Variants in MYO9A observed in about 807,000 individuals in gnomAD.
The protein encoded by MYO9A is myosin IXA.
A neutral mutation model predicts 293.3 loss-of-function variants in MYO9A; 103 were observed. The ratio of observed to expected loss-of-function variants is 0.35; its 90% CI spans 0.30 to 0.41. MYO9A has a LOEUF of 0.41. MYO9A is among the 10% of genes least tolerant of loss of function. MYO9A has a pLI of 1.00. For missense variants in MYO9A, 2,685 were observed against 3,033.0 expected (o/e 0.89, Z 2.69); for synonymous variants, 1,001 against 1,035.7 (o/e 0.97, Z 0.64).
intron 23 of MYO9A, among the ~76,000 whole-genome samples, 179 bp downstream of exon 23, chr15:71,901,012 T>C (rs1262329516): frequency 1.3e-5 from 2 of 152,232 alleles, no homozygotes; most frequent in East Asian, 1.9e-4. Context: ...TTATTAATAG[T>C]CTATTATATG....
chr15:71,873,554 C>T (rs1334364957), intron 32 of MYO9A, among the ~76,000 whole-genome samples: 2 of 152,062 alleles, frequency 1.3e-5, no homozygotes, highest in Non-Finnish European at 2.9e-5. Context: ...GCAAATTACA[C>T]TCCTATTTGT....
At chr15:71,991,314 C>A in intron 10 of MYO9A, 77 bp from the exon 11 acceptor site, 1 of 1,200,794 alleles carries the variant, frequency 8.3e-7, no homozygotes. Context: ...ACATAAGTAA[C>A]AAAATGCTCA....
At chr15:71,945,826 T>A (rs2058902236) in intron 15 of MYO9A, among the ~76,000 whole-genome samples, 1 of 152,218 alleles carries the variant, frequency 6.6e-6, no homozygotes, top group African/African-American at 2.4e-5. Flanking sequence ...GGAAAAAGTA[T>A]TCAATCTTTC....
At chr15:71,906,758 C>CTTTCTTTCTTTTTTTTTTTTTTTTTTTTT (rs765264146) in intron 19 of MYO9A, among the ~76,000 whole-genome samples, 4 of 61,030 alleles carry the variant, frequency 6.6e-5, no homozygotes, top group African/African-American at 2.5e-4. Flanking sequence ...CCATTTCTTT[C>CTTTCTTTCTTTTTTTTTTTTTTTTTTTTT]TTTTTTTTTT....
intron 1 of MYO9A, among the ~76,000 whole-genome samples, chr15:72,093,215 G>C (rs930055638): frequency 6.6e-6 from 1 of 152,064 alleles, no homozygotes; most frequent in African/African-American, 2.4e-5. Context: ...ATATATGAGA[G>C]GGGAAAGAAT....
chr15:71,908,611 T>G (rs2057742354), intron 19 of MYO9A, among the ~76,000 whole-genome samples: 1 of 152,216 alleles, frequency 6.6e-6, no homozygotes, highest in Non-Finnish European at 1.5e-5. Context: ...CCTGTCTGTT[T>G]AAAATAGACT....
At chr15:72,115,616 C>T (rs1484798048) in intron 1 of MYO9A, among the ~76,000 whole-genome samples, 1 of 152,216 alleles carries the variant, frequency 6.6e-6, no homozygotes, top group African/African-American at 2.4e-5. Context: ...TCTTATTCTA[C>T]TCTTCAATTC....
chr15:71,867,798 T>TCACACACA lies in MYO9A; in HGVS notation c.5980-5195_5980-5188dup, dbSNP rs57300333. On this transcript the variant is annotated intron_variant, in intron 32 of 41. Transcript: ENST00000356056. ...CACTAATTTCAATTCTGGGAATCCA[T>TCACACACA]CACACACACACACACACACACACAC... 1.6e-3 allele frequency among the ~76,000 whole-genome samples: 204 copies of TCACACACA among 127,622 alleles called. 1 individual carries two copies. Among genetic ancestry groups the TCACACACA allele is most frequent in the African/African-American group, 1.8e-3 (62 of 33,696 alleles). The allele number at this position is 127,622 out of a possible 152,430, so 83.7% of individuals were successfully genotyped here. A position where few individuals can be genotyped will look rare whatever the true frequency, so the allele number is the denominator to read the frequency against.
At chr15:72,081,942 G>A (rs755876234) in intron 1 of MYO9A, among the ~76,000 whole-genome samples, 21 of 152,242 alleles carry the variant, frequency 1.4e-4, no homozygotes, top group Admixed American at 3.3e-4. Flanking sequence ...GTAGCCCTTT[G>A]TAGTACAGTT....
chr15:72,070,321 G>A lies in MYO9A; in HGVS notation c.-71-23687C>T, dbSNP rs189954377. Among the ~76,000 whole-genome samples the A allele has an allele frequency of 3.2e-3, 491 of 151,592 alleles. 4 individuals carry two copies. Among genetic ancestry groups the A allele is most frequent in the Non-Finnish European group, 4.8e-3 (323 of 67,882 alleles). On this transcript the variant is annotated intron_variant, in intron 1 of 41. Coordinates refer to ENST00000356056, the MANE Select transcript of MYO9A (RefSeq NM_006901.4). ...AACAAAAAACTACCCAGATGTGGTG[G>A]CACACGCCTGCAGTCCCAGCTACTC...
chr15:71,851,236 T>G lies in MYO9A; in HGVS notation c.6581+17A>C. 1 of 1,591,164 alleles carries G rather than the reference T, an allele frequency of 6.3e-7. No homozygotes were observed. The highest frequency in any genetic ancestry group is 8.6e-7 in the Non-Finnish European group (1 of 1,162,566). ...AGAGAAACTATTAAAAATCGTTCCC[T>G]TGCTTCTTAAAGTTACCTGACTAGA... is the stretch of plus-strand genomic sequence containing the variant. On this transcript the variant is annotated intron_variant, in intron 37 of 41. Coordinates refer to ENST00000356056, the MANE Select transcript of MYO9A (RefSeq NM_006901.4).
rs1025112912 is a variant in MYO9A at position 72,031,736 on chromosome 15, T to TA, written c.935+757dup. ...CCACTGCTCTAAAAAATAGTCTATTTAAAAAAAAAAAACTATGAAGAATAT... is the reference window on the plus strand; with the variant it reads ...CCACTGCTCTAAAAAATAGTCTATTTAAAAAAAAAAAAACTATGAAGAATAT... On this transcript the variant is annotated intron_variant, in intron 3 of 41. Transcript: ENST00000356056. 6.1e-3 allele frequency among the ~76,000 whole-genome samples: 858 copies of TA among 141,100 alleles called. 21 individuals are homozygous for TA. The highest frequency in any genetic ancestry group is 0.025 in the Admixed American group (351 of 14,096). 92.6% of individuals were successfully genotyped at this position (141,100 alleles called of 152,430 possible).
intron 13 of MYO9A, among the ~76,000 whole-genome samples, chr15:71,964,111 T>C (rs1408185076): frequency 2.0e-5 from 3 of 152,158 alleles, no homozygotes; most frequent in Non-Finnish European, 2.9e-5. Context: ...GTAGTAAAGT[T>C]CTTTTTTCAT....
intron 28 of MYO9A, among the ~76,000 whole-genome samples, chr15:71,881,376 A>G (rs1402185094): frequency 1.3e-5 from 2 of 152,014 alleles, no homozygotes; most frequent in Non-Finnish European, 2.9e-5. Context: ...GTATATCCTG[A>G]TTCTATCCAA....
chr15:72,003,054 T>G (rs1272514674), intron 8 of MYO9A, among the ~76,000 whole-genome samples: 1 of 151,484 alleles, frequency 6.6e-6, no homozygotes, highest in Non-Finnish European at 1.5e-5. Flanking sequence ...AGGATCACCT[T>G]AAGTCAGGAG....
rs191141507 is a variant in MYO9A at position 71,870,053 on chromosome 15, A to G, written c.5979+5738T>C. On this transcript the variant is annotated intron_variant, in intron 32 of 41. Transcript: ENST00000356056. ...ATGGCTGCATAAGTAGCTCTGAATAATGAAATGTGAACATATGTGATGAGT... is the reference window on the plus strand; with the variant it reads ...ATGGCTGCATAAGTAGCTCTGAATAGTGAAATGTGAACATATGTGATGAGT... Among the ~76,000 whole-genome samples, 21 of 152,304 alleles carry G rather than the reference A, an allele frequency of 1.4e-4. No individual in the cohort carries two copies. The East Asian group carries it at 4.0e-3, about 29-fold the overall frequency.
At chr15:72,071,479 G>T (rs1430645556) in intron 1 of MYO9A, among the ~76,000 whole-genome samples, 1 of 152,164 alleles carries the variant, frequency 6.6e-6, no homozygotes, top group Non-Finnish European at 1.5e-5. Context: ...AGTGGCTCAC[G>T]CCTGTAATCC....
chr15:72,077,751 AAATATATATAT>A (rs1381613171), intron 1 of MYO9A, among the ~76,000 whole-genome samples: 1,841 of 26,784 alleles, frequency 0.069, 22 homozygotes, highest in African/African-American at 0.11. Flanking sequence ...AAAAAAAAAA[AAATATATATAT>A]ATATATATAT....
chr15:71,830,802 G>A (rs1458216784), intron 39 of MYO9A, among the ~76,000 whole-genome samples: 1 of 151,910 alleles, frequency 6.6e-6, no homozygotes, highest in Non-Finnish European at 1.5e-5. Context: ...CTGTAGCCTT[G>A]GAATGCATAA....
Sources: gnomAD v4.1 joint callset for allele counts (sites outside exome capture counted in the v4.1 genomes callset) on GRCh38, gnomAD v4.1.1 for gene constraint, MANE v1.5 for transcripts, NCBI Gene and HGNC (gene_info 2026-07-23, HGNC 2026-07-21) for gene names.